The following FCHSD2 variants were observed in gnomAD, a reference collection of about 807,000 sequenced individuals.
The protein encoded by FCHSD2 is FCH and double SH3 domains 2.
FCHSD2 carries 38 observed loss-of-function variants against 108.1 expected under a neutral mutation model. The ratio of observed to expected loss-of-function variants is 0.35; its 90% CI spans 0.27 to 0.46. The LOEUF (loss-of-function observed/expected upper bound fraction) is 0.46. Among genes scored for constraint, FCHSD2 ranks in the 20% least tolerant of loss-of-function variants. The pLI, the probability that FCHSD2 is intolerant of heterozygous loss-of-function variation, is 1.00. For missense variants in FCHSD2, 751 were observed against 897.8 expected, an observed-to-expected ratio of 0.84 and a Z score of 2.09; for synonymous variants, 279 against 314.7, an observed-to-expected ratio of 0.89 and a Z score of 1.20.
At chr11:73,124,148 A>C (rs1860799090) in intron 2 of FCHSD2, among the ~76,000 whole-genome samples, 1 of 152,172 alleles carries the variant, frequency 6.6e-6, no homozygotes, top group South Asian at 2.1e-4. Context: ...CTCTGAGCAA[A>C]CTATTGCAAG....
chr11:73,098,133 T>C (rs941305580), intron 2 of FCHSD2, among the ~76,000 whole-genome samples: 1 of 152,194 alleles, frequency 6.6e-6, no homozygotes, highest in Non-Finnish European at 1.5e-5. Flanking sequence ...TCCTAATTCT[T>C]AGGGTATAAA....
At chr11:73,119,648 T>C (rs111710083) in intron 2 of FCHSD2, among the ~76,000 whole-genome samples, 1,531 of 152,258 alleles carry the variant, frequency 0.01, 21 homozygotes, top group African/African-American at 0.035. Context: ...GGGATTTCAC[T>C]GTGTTGCCCA....
chr11:72,845,453 AAAAAAAAAC>A (rs1218281567), intron 14 of FCHSD2, among the ~76,000 whole-genome samples: 3 of 47,496 alleles, frequency 6.3e-5, no homozygotes, highest in Admixed American at 5.4e-4. Flanking sequence ...AAAAAAAAAA[AAAAAAAAAC>A]AACAACAAAC....
chr11:73,096,986 G>GGTTTT (rs1400831147), intron 2 of FCHSD2, among the ~76,000 whole-genome samples: 1 of 19,474 alleles, frequency 5.1e-5, no homozygotes, highest in African/African-American at 2.8e-4. Context: ...TTCATTGATG[G>GGTTTT]ATTTTTTTTT....
chr11:73,012,967 G>A (rs972576893), intron 4 of FCHSD2, among the ~76,000 whole-genome samples: 1 of 152,060 alleles, frequency 6.6e-6, no homozygotes, highest in African/African-American at 2.4e-5. Flanking sequence ...AGATGATGAG[G>A]AATTAAATTC....
chr11:73,058,032 A>G (rs896168662), intron 3 of FCHSD2, among the ~76,000 whole-genome samples: 7 of 152,006 alleles, frequency 4.6e-5, no homozygotes, highest in African/African-American at 1.7e-4. Flanking sequence ...GGCGCCCACG[A>G]CCACGCCTGG....
At chr11:72,850,375 A>AT (rs574177764) in intron 13 of FCHSD2, among the ~76,000 whole-genome samples, 10 of 148,162 alleles carry the variant, frequency 6.7e-5, no homozygotes, top group South Asian at 4.3e-4. Flanking sequence ...TAGGACAGAG[A>AT]TTTTTTTTTA....
Position 72,962,703 on chromosome 11 carries a change from T to C in FCHSD2, c.705+21385A>G, listed in dbSNP as rs554379072. On this transcript the variant is annotated intron_variant, in intron 8 of 19. Transcript: ENST00000409418. ...ATTCTGGAAAAGATGGTTAAACAAA[T>C]AGCTTTGTAATTTAAAAAATACCAA... is the stretch of plus-strand genomic sequence containing the variant. Among the ~76,000 whole-genome samples, 21 of 151,292 alleles carry C rather than the reference T, an allele frequency of 1.4e-4. No individual in the cohort carries two copies. In the East Asian group the frequency reaches 1.6e-3, roughly 11 times the overall value.
chr11:72,870,899 C>CTAA (rs1854841960), intron 12 of FCHSD2, among the ~76,000 whole-genome samples: 1 of 77,018 alleles, frequency 1.3e-5, no homozygotes, highest in African/African-American at 5.4e-5. Flanking sequence ...GACTCCGTCT[C>CTAA]AAAAAAAAAA....
intron 13 of FCHSD2, among the ~76,000 whole-genome samples, chr11:72,858,134 G>A (rs77656109): frequency 1.3e-5 from 2 of 152,162 alleles, no homozygotes; most frequent in Non-Finnish European, 2.9e-5. Flanking sequence ...TCCAGATAAA[G>A]AATCTGGTAA....
chr11:72,962,950 T>C (rs576354205), intron 8 of FCHSD2, among the ~76,000 whole-genome samples: 3 of 152,284 alleles, frequency 2.0e-5, no homozygotes, highest in African/African-American at 4.8e-5. Flanking sequence ...GCCAGACTGG[T>C]TGAGTTCAAA....
At chr11:72,896,038 T>G (rs1193565779) in intron 10 of FCHSD2, among the ~76,000 whole-genome samples, 1 of 152,266 alleles carries the variant, frequency 6.6e-6, no homozygotes, top group Admixed American at 6.5e-5. Context: ...AATATTTTTT[T>G]AATAGATGCA....
Position 72,887,692 on chromosome 11 carries a change from CATTT to C in FCHSD2, c.1042-122_1042-119del, listed in dbSNP as rs1324347114. ...GTGACTAGTAGCCATAATTTTTTTTCATTTATTTATTTTTTGAACATTTTGAAAT... is the reference window on the plus strand; with the variant it reads ...GTGACTAGTAGCCATAATTTTTTTTCATTTATTTTTTGAACATTTTGAAAT... On this transcript the variant is annotated intron_variant, in intron 11 of 19. Coordinates refer to ENST00000409418, the MANE Select transcript of FCHSD2 (RefSeq NM_014824.3). The C allele has an allele frequency of 3.3e-5, 20 of 600,894 alleles. No individual in the cohort carries two copies. In the East Asian group the frequency reaches 6.2e-4, roughly 18 times the overall value. 37.2% of individuals were successfully genotyped at this position (600,894 alleles called of 1,614,324 possible).
At chr11:72,922,331 G>A (rs755514484) in intron 8 of FCHSD2, among the ~76,000 whole-genome samples, 26 of 151,874 alleles carry the variant, frequency 1.7e-4, no homozygotes, top group African/African-American at 5.1e-4. Flanking sequence ...AATAATCTCC[G>A]TTTTCCCCCA....
At chr11:72,972,207 A>G (rs1310904405) in intron 8 of FCHSD2, among the ~76,000 whole-genome samples, 1 of 152,206 alleles carries the variant, frequency 6.6e-6, no homozygotes, top group African/African-American at 2.4e-5. Flanking sequence ...TTAAACTCTG[A>G]AATGAGAATA....
intron 10 of FCHSD2, among the ~76,000 whole-genome samples, chr11:72,895,827 G>A (rs1313064861): frequency 6.6e-6 from 1 of 152,134 alleles, no homozygotes; most frequent in Non-Finnish European, 1.5e-5. Context: ...TGTGTAAGAG[G>A]ATGGTACCTA....
At chr11:72,896,145 A>G (rs1168529957) in intron 10 of FCHSD2, among the ~76,000 whole-genome samples, 2 of 152,250 alleles carry the variant, frequency 1.3e-5, no homozygotes, top group Admixed American at 1.3e-4. Flanking sequence ...TATAGAAGGC[A>G]GAATTAAATA....
chr11:72,868,688 T>TA (rs1215622684), intron 12 of FCHSD2, among the ~76,000 whole-genome samples: 2 of 145,634 alleles, frequency 1.4e-5, no homozygotes, highest in African/African-American at 5.1e-5. Flanking sequence ...AAGACTCTGT[T>TA]AAAAACAAAC....
At chr11:73,044,590 C>T (rs1283015666) in intron 3 of FCHSD2, among the ~76,000 whole-genome samples, 2 of 151,896 alleles carry the variant, frequency 1.3e-5, no homozygotes, top group Non-Finnish European at 2.9e-5. Flanking sequence ...AAAAAAGTCA[C>T]TCATAAATCT....
Sources: gnomAD v4.1 joint callset for allele counts (sites outside exome capture counted in the v4.1 genomes callset) on GRCh38, gnomAD v4.1.1 for gene constraint, MANE v1.5 for transcripts, NCBI Gene and HGNC (gene_info 2026-07-23, HGNC 2026-07-21) for gene names.